Variants in CCDC192 observed in about 807,000 individuals in gnomAD.
The protein encoded by CCDC192 is coiled-coil domain containing 192.
At chr5:127,784,074 T>G (rs2126939213) in intron 3 of CCDC192, among the ~76,000 whole-genome samples, 1 of 152,360 alleles carries the variant, frequency 6.6e-6, no homozygotes, top group East Asian at 1.9e-4. Context: ...TGGTGAATAC[T>G]TATCCATTCT....
intron 6 of CCDC192, among the ~76,000 whole-genome samples, chr5:127,913,095 T>G (rs912104171): frequency 3.9e-5 from 6 of 152,154 alleles, no homozygotes; most frequent in Non-Finnish European, 7.3e-5. Flanking sequence ...GACAAATGGT[T>G]TTGGGGTCAA....
chr5:127,868,657 G>A (rs1205401225), intron 5 of CCDC192, among the ~76,000 whole-genome samples: 1 of 152,168 alleles, frequency 6.6e-6, no homozygotes, highest in African/African-American at 2.4e-5. Context: ...GCCAAGGCAG[G>A]CAGATCACTT....
chr5:127,716,754 A>G (rs571318984), intron 2 of CCDC192, among the ~76,000 whole-genome samples: 12 of 152,276 alleles, frequency 7.9e-5, no homozygotes, highest in Admixed American at 4.6e-4. Flanking sequence ...CCTTCATTCA[A>G]TGACTTCTGA....
At chr5:127,793,336 G>C (rs1249268484) in intron 3 of CCDC192, among the ~76,000 whole-genome samples, 3 of 152,150 alleles carry the variant, frequency 2.0e-5, no homozygotes, top group East Asian at 1.9e-4. Context: ...GAGGAAATAA[G>C]GGGTTAGTGT....
In CCDC192 at chr5:127,851,094, C is replaced by A. The variant is rs370213446; in HGVS notation, c.412-24444C>A. 2.4e-3 allele frequency among the ~76,000 whole-genome samples: 363 copies of A among 152,308 alleles called. 1 individual carries two copies. The highest frequency in any genetic ancestry group is 8.0e-3 in the African/African-American group (333 of 41,562). The stretch of plus-strand genomic sequence containing the variant: ...GGGCCACCTGAGACTAGTTCTGCTG[C>A]AGGATTGGGTGCTTGTCCTGGCTTC... On this transcript the variant is annotated intron_variant, in intron 5 of 6. Transcript: ENST00000514853.
At position 127,776,566 on chromosome 5, in the gene CCDC192, G is replaced by A. The variant is rs536137355; in HGVS notation, c.223-20537G>A. Among the ~76,000 whole-genome samples, 188 of 152,318 alleles carry A rather than the reference G, an allele frequency of 1.2e-3. 1 individual carries two copies. Among genetic ancestry groups the A allele is most frequent in the African/African-American group, 4.3e-3 (178 of 41,566 alleles). On this transcript the variant is annotated intron_variant, in intron 3 of 6. Coordinates refer to ENST00000514853, the MANE Select transcript of CCDC192 (RefSeq NM_001317938.2). The stretch of plus-strand genomic sequence containing the variant: ...TGTAGAAATTTGCATAAGTAATGAG[G>A]AGCCAAATGTTAATCATCAAGATGT...
intron 6 of CCDC192, among the ~76,000 whole-genome samples, chr5:127,919,827 G>A (rs1487516665): frequency 6.6e-6 from 1 of 152,084 alleles, no homozygotes; most frequent in Non-Finnish European, 1.5e-5. Context: ...CTGTCCCTCT[G>A]TGTCCCTCTG....
chr5:127,772,744 A>G (rs1262151657), intron 3 of CCDC192, among the ~76,000 whole-genome samples: 1 of 152,194 alleles, frequency 6.6e-6, no homozygotes, highest in Non-Finnish European at 1.5e-5. Context: ...TGACTGATTT[A>G]GTTCAATCAT....
intron 3 of CCDC192, among the ~76,000 whole-genome samples, chr5:127,792,525 CATAT>C (rs34017962): frequency 4.2e-5 from 6 of 141,282 alleles, no homozygotes; most frequent in African/African-American, 1.0e-4. Context: ...ATCACCATCT[CATAT>C]ATATATATAT....
intron 3 of CCDC192, among the ~76,000 whole-genome samples, chr5:127,761,350 A>G (rs1397302815): frequency 6.6e-6 from 1 of 152,228 alleles, no homozygotes; most frequent in Non-Finnish European, 1.5e-5. Flanking sequence ...GAGGACACAG[A>G]TAGCAAACAA....
chr5:127,713,090 C>T (rs541357359), intron 2 of CCDC192, among the ~76,000 whole-genome samples: 221 of 152,116 alleles, frequency 1.5e-3, no homozygotes, highest in African/African-American at 5.0e-3. Context: ...CAAAATTAGC[C>T]GGGCATGGTG....
chr5:127,822,668 C>T (rs1733808253), intron 5 of CCDC192, among the ~76,000 whole-genome samples: 1 of 152,092 alleles, frequency 6.6e-6, no homozygotes. Context: ...GAAGAGAGCT[C>T]TAGGAGCAAC....
intron 6 of CCDC192, among the ~76,000 whole-genome samples, chr5:127,894,187 A>ATTT (rs70997350): frequency 4.1e-4 from 45 of 111,016 alleles, no homozygotes; most frequent in Non-Finnish European, 4.5e-4. Context: ...GTCCTATCTA[A>ATTT]TTTTTTTTTT....
intron 5 of CCDC192, among the ~76,000 whole-genome samples, chr5:127,854,301 C>T (rs1373888018): frequency 6.6e-6 from 1 of 152,170 alleles, no homozygotes; most frequent in Non-Finnish European, 1.5e-5. Flanking sequence ...CCCTTATCTG[C>T]AGATGACTTC....
rs550209186 is a variant in CCDC192 at position 127,730,954 on chromosome 5, C to T, written c.114+23194C>T. Among the ~76,000 whole-genome samples, 24 of 151,520 alleles carry T rather than the reference C, an allele frequency of 1.6e-4. No homozygotes were observed. The East Asian group carries it at 4.5e-3, about 28-fold the overall frequency. On this transcript the variant is annotated intron_variant, in intron 2 of 6. Coordinates refer to ENST00000514853, the MANE Select transcript of CCDC192 (RefSeq NM_001317938.2). ...CTAGAAGCATTCCCTTGAAAACAGG[C>T]CAAGACGAGGATGCCCTCTCTCACC...
intron 6 of CCDC192, among the ~76,000 whole-genome samples, chr5:127,888,372 C>T (rs1375823193): frequency 6.6e-6 from 1 of 151,726 alleles, no homozygotes; most frequent in Non-Finnish European, 1.5e-5. Context: ...GCCGAGATTG[C>T]GCCACTGCAC....
At chr5:127,794,483 G>C (rs1757052293) in intron 3 of CCDC192, among the ~76,000 whole-genome samples, 1 of 152,168 alleles carries the variant, frequency 6.6e-6, no homozygotes, top group Admixed American at 6.5e-5. Flanking sequence ...AGGCTCTGCA[G>C]ACTGTCTGAC....
In CCDC192 at chr5:127,901,568, C is replaced by A. The variant is rs1753037703; in HGVS notation, c.535+25907C>A. Among the ~76,000 whole-genome samples the A allele has an allele frequency of 2.0e-5, 3 of 152,110 alleles. No homozygotes were observed. The South Asian group carries it at 6.2e-4, about 32-fold the overall frequency. The stretch of plus-strand genomic sequence containing the variant: ...TAATTAAAAATAAAATTAATTAAAT[C>A]ATCCCTGAGGGATGGAGAGAAGAGA... On this transcript the variant is annotated intron_variant, in intron 6 of 6. Transcript: ENST00000514853.
chr5:127,812,755 G>A (rs1350500933), intron 5 of CCDC192, among the ~76,000 whole-genome samples: 1 of 152,194 alleles, frequency 6.6e-6, no homozygotes, highest in East Asian at 1.9e-4. Flanking sequence ...TAAGAACACA[G>A]TGATTGCTTT....
Sources: gnomAD v4.1 joint callset for allele counts (sites outside exome capture counted in the v4.1 genomes callset) on GRCh38, gnomAD v4.1.1 for gene constraint, MANE v1.5 for transcripts, NCBI Gene and HGNC (gene_info 2026-07-23, HGNC 2026-07-21) for gene names.